The following MEI4 variants were observed in gnomAD, a reference collection of about 807,000 sequenced individuals.
MEI4 encodes meiotic double-stranded break formation protein 4.
In MEI4, 27 loss-of-function variants were observed where a neutral mutation model predicts 31.4. The observed-to-expected ratio is 0.86, with a 90% CI of 0.63 to 1.19. The LOEUF is 1.19. Ranked by LOEUF, MEI4 falls within the 50% of genes most tolerant of loss-of-function variation. The pLI is 0.00. For synonymous variants in MEI4, 122 were observed against 145.4 expected (o/e 0.84, Z 1.16); for missense variants, 329 against 398.9 (o/e 0.82, Z 1.49).
chr6:77,913,492 A>T (rs998907618), intron 4 of MEI4, among the ~76,000 whole-genome samples: 2 of 152,038 alleles, frequency 1.3e-5, no homozygotes, highest in African/African-American at 4.8e-5. Flanking sequence ...AAAGTTTTCT[A>T]TTTCTTTCTG....
At chr6:77,693,182 C>T (rs186295307) in intron 2 of MEI4, among the ~76,000 whole-genome samples, 4 of 152,210 alleles carry the variant, frequency 2.6e-5, no homozygotes, top group Admixed American at 2.6e-4. Context: ...ACACAATTTA[C>T]AGCCACATTT....
intron 3 of MEI4, among the ~76,000 whole-genome samples, chr6:77,827,139 T>C (rs1769972043): frequency 6.6e-6 from 1 of 151,952 alleles, no homozygotes; most frequent in Non-Finnish European, 1.5e-5. Flanking sequence ...GGCGGGCAGA[T>C]CACGAGGTTA....
intron 3 of MEI4, among the ~76,000 whole-genome samples, chr6:77,793,220 T>A (rs1351048953): frequency 6.6e-6 from 1 of 152,126 alleles, no homozygotes; most frequent in Non-Finnish European, 1.5e-5. Context: ...ATAGAAATTT[T>A]ACAAGCCACA....
At chr6:77,786,662 C>T (rs1255892841) in intron 3 of MEI4, among the ~76,000 whole-genome samples, 1 of 151,830 alleles carries the variant, frequency 6.6e-6, no homozygotes, top group Admixed American at 6.6e-5. Flanking sequence ...ATAGTAAATC[C>T]AAGAGAATCT....
At chr6:77,763,157 T>G (rs1045316826) in intron 3 of MEI4, among the ~76,000 whole-genome samples, 4 of 152,100 alleles carry the variant, frequency 2.6e-5, no homozygotes, top group African/African-American at 9.7e-5. Context: ...GAGGATAATG[T>G]GTAGAATAAA....
intron 1 of MEI4, among the ~76,000 whole-genome samples, chr6:77,675,859 C>T (rs118169896): frequency 0.013 from 2,001 of 152,250 alleles, 22 homozygotes; most frequent in Middle Eastern, 0.061. Context: ...GCCTAGGCTT[C>T]GGATACAATT....
chr6:77,681,059 TG>T (rs150017689), intron 1 of MEI4, among the ~76,000 whole-genome samples: 3,497 of 152,260 alleles, frequency 0.023, 136 homozygotes, highest in African/African-American at 0.079. Flanking sequence ...CACAGGACTC[TG>T]TACCTCATCA....
intron 4 of MEI4, among the ~76,000 whole-genome samples, chr6:77,862,733 C>T (rs1770898572): frequency 6.6e-6 from 1 of 152,200 alleles, no homozygotes; most frequent in African/African-American, 2.4e-5. Flanking sequence ...AGTAGTGGTT[C>T]TCCCAGCACG....
rs929423482 is a variant in MEI4, at chr6:77,925,090, T to C, written c.*1744T>C. 1.3e-5 allele frequency: 2 copies of C among 151,954 alleles called. No homozygotes were observed. Among genetic ancestry groups the C allele is most frequent in the Non-Finnish European group, 2.9e-5 (2 of 67,880 alleles). 9.4% of individuals were successfully genotyped at this position (151,954 alleles called of 1,614,324 possible). On this transcript the variant is annotated 3_prime_UTR_variant, in exon 5 of 5. Transcript: ENST00000684080. ...ACACCTTCATCTTCTTTCATTGTGATTAAACAAGATTGGTAAATACACAAG... is the reference window on the plus strand; with the variant it reads ...ACACCTTCATCTTCTTTCATTGTGACTAAACAAGATTGGTAAATACACAAG...
At chr6:77,748,601 C>T (rs147398701) in intron 2 of MEI4, among the ~76,000 whole-genome samples, 32 of 152,352 alleles carry the variant, frequency 2.1e-4, no homozygotes, top group Non-Finnish European at 4.3e-4. Flanking sequence ...AGGTCTCTGA[C>T]ATCCGTGGAG....
At chr6:77,755,290 G>A (rs1767885707) in intron 2 of MEI4, among the ~76,000 whole-genome samples, 1 of 152,094 alleles carries the variant, frequency 6.6e-6, no homozygotes, top group Non-Finnish European at 1.5e-5. Context: ...TTAGTTCAAG[G>A]TGGACCTTAT....
At chr6:77,778,044 T>C (rs895028156) in intron 3 of MEI4, among the ~76,000 whole-genome samples, 1 of 151,652 alleles carries the variant, frequency 6.6e-6, no homozygotes, top group Admixed American at 6.6e-5. Context: ...TTTACATGGC[T>C]TGGCTGTGTG....
chr6:77,666,182 G>C (rs1461508269), intron 1 of MEI4, among the ~76,000 whole-genome samples: 1 of 152,076 alleles, frequency 6.6e-6, no homozygotes, highest in Non-Finnish European at 1.5e-5. Flanking sequence ...TTGCGGGCAG[G>C]GGGTGGGTCT....
upstream of MEI4, among the ~76,000 whole-genome samples, chr6:77,650,513 G>C (rs1345277086): frequency 6.6e-6 from 1 of 152,222 alleles, no homozygotes; most frequent in African/African-American, 2.4e-5. Flanking sequence ...ATGGCGCAGA[G>C]CGCCTGCTCC....
chr6:77,692,497 G>A (rs1056131638), intron 2 of MEI4, among the ~76,000 whole-genome samples: 1 of 152,006 alleles, frequency 6.6e-6, no homozygotes, highest in Non-Finnish European at 1.5e-5. Context: ...GAGGTGATTT[G>A]AGGCAGGGAT....
At chr6:77,797,793 A>G (rs1582155562) in intron 3 of MEI4, among the ~76,000 whole-genome samples, 1 of 152,118 alleles carries the variant, frequency 6.6e-6, no homozygotes, top group Non-Finnish European at 1.5e-5. Flanking sequence ...GTGCCCACCC[A>G]CGTTGAGGGT....
intron 4 of MEI4, among the ~76,000 whole-genome samples, chr6:77,916,955 A>G (rs1330313603): frequency 7.3e-6 from 1 of 137,884 alleles, no homozygotes; most frequent in African/African-American, 2.7e-5. Flanking sequence ...AGAGTGTGAT[A>G]TTCCCCTTCC....
chr6:77,885,055 C>T (rs1771586646), intron 4 of MEI4, among the ~76,000 whole-genome samples: 1 of 151,930 alleles, frequency 6.6e-6, no homozygotes, highest in Admixed American at 6.6e-5. Context: ...ATTTTCCTTA[C>T]AGAGTTTTTG....
At chr6:77,690,116 A>G (rs1275223661) in intron 1 of MEI4, among the ~76,000 whole-genome samples, 1 of 152,030 alleles carries the variant, frequency 6.6e-6, no homozygotes, top group East Asian at 1.9e-4. Flanking sequence ...TGTTCTCCAT[A>G]TAGATTGGAG....
Sources: gnomAD v4.1 joint callset for allele counts (sites outside exome capture counted in the v4.1 genomes callset) on GRCh38, gnomAD v4.1.1 for gene constraint, MANE v1.5 for transcripts, NCBI Gene and HGNC (gene_info 2026-07-23, HGNC 2026-07-21) for gene names.